Variants in UBE4B observed in about 807,000 individuals in gnomAD.
UBE4B encodes the protein ubiquitination factor E4B, also known as ubiquitin conjugation factor E4 B.
UBE4B carries 27 observed loss-of-function variants against 148.1 expected under a neutral mutation model. The ratio of observed to expected loss-of-function variants is 0.18; its 90% CI spans 0.13 to 0.25. UBE4B has a LOEUF of 0.25. Among genes scored for constraint, UBE4B ranks in the 10% least tolerant of loss-of-function variants. The pLI is 1.00. For missense variants in UBE4B, 1,170 were observed against 1,662.4 expected, an observed-to-expected ratio of 0.70 and a Z score of 5.15; for synonymous variants, 596 against 619.3, an observed-to-expected ratio of 0.96 and a Z score of 0.56.
intron 1 of UBE4B, among the ~76,000 whole-genome samples, chr1:10,042,582 G>T (rs910299130): frequency 6.6e-6 from 1 of 152,168 alleles, no homozygotes; most frequent in African/African-American, 2.4e-5. Context: ...GGGAGGCAGG[G>T]GTTACAGTGA....
chr1:10,147,138 T>A, intron 19 of UBE4B, 48 bp downstream of exon 19: 1 of 1,611,942 alleles, frequency 6.2e-7, no homozygotes, highest in South Asian at 1.1e-5. Context: ...GGCTGGGCTC[T>A]GTTGTCTTTA....
chr1:10,162,395 G>A (rs907637292), intron 23 of UBE4B, among the ~76,000 whole-genome samples: 3 of 151,946 alleles, frequency 2.0e-5, no homozygotes, highest in African/African-American at 7.2e-5. Flanking sequence ...GGATGGTCTC[G>A]ATCTCCTGAC....
Position 10,137,215 on chromosome 1 carries a change from A to G in UBE4B, c.2363+10A>G. 6.2e-7 allele frequency: 1 copy of G among 1,613,820 alleles called. No homozygotes were observed. Among genetic ancestry groups the G allele is most frequent in the Non-Finnish European group, 8.5e-7 (1 of 1,179,874 alleles). ...TCCGGGAGCTCAATAGGTATGTGCC[A>G]TGATACCGTGTCCTGGGATTGCCTG... On this transcript the variant is annotated intron_variant, in intron 17 of 27. Coordinates refer to ENST00000343090, the MANE Select transcript of UBE4B (RefSeq NM_001105562.3).
rs1172518666 is a variant in UBE4B, at chr1:10,106,337, C to T, written c.950C>T (p.Ser317Phe). ...CCCCTCAGTCCTCACAGTGCAGCCT[C>T]TGGAACTGCTGCGGGAAGCCAGCCT... ...STPLSPHSAA[S>F]GTAAGSQPSS... The change falls in exon 7 of 28, where the codon TCT (serine) becomes TTT (phenylalanine). Residue 317 changes from serine to phenylalanine, a missense_variant. Ser to Phe is a radical substitution (Grantham distance 155, BLOSUM62 -2). This residue lies in a region of UBE4B where 214 missense variants were observed against 209.1 expected (regional missense o/e 1.02). Transcript: ENST00000343090. The surrounding 1 kb of genome is among the most constrained non-coding windows in gnomAD (Gnocchi z 4.2). 2.5e-6 allele frequency: 4 copies of T among 1,613,956 alleles called. No individual in the cohort carries two copies. Among genetic ancestry groups the T allele is most frequent in the African/African-American group, 2.7e-5 (2 of 74,922 alleles).
chr1:10,152,524 G>A (rs1402079057), intron 21 of UBE4B, among the ~76,000 whole-genome samples: 1 of 151,942 alleles, frequency 6.6e-6, no homozygotes, highest in Non-Finnish European at 1.5e-5. Flanking sequence ...GGGGCCAGGT[G>A]CGGTGGCTCA....
chr1:10,152,350 A>G (rs1645990840), intron 21 of UBE4B, among the ~76,000 whole-genome samples: 1 of 151,824 alleles, frequency 6.6e-6, no homozygotes, highest in Non-Finnish European at 1.5e-5. Flanking sequence ...TGGTACAAAC[A>G]TGGTTGTGGA....
chr1:10,033,837 C>G, intron 1 of UBE4B, 143 bp downstream of exon 1: 1 of 816,894 alleles, frequency 1.2e-6, no homozygotes, highest in Non-Finnish European at 1.8e-6. Context: ...ACGTGACTCC[C>G]CGATAGGGTC....
In UBE4B at chr1:10,161,292, G is replaced by A; in HGVS notation, c.3198+6G>A. On this transcript the variant is annotated splice_donor_region_variant and intron_variant, in intron 23 of 27. Transcript: ENST00000343090. This position sits in a 1 kb window ranked among gnomAD's most constrained non-coding sequence, Gnocchi z 4.1. ...AGTGGGACCAGTTGCCCCGGGTGAG[G>A]ACGTGGTCCAGAGGCTTGGACAGCT... 6.2e-7 allele frequency: 1 copy of A among 1,613,922 alleles called. No homozygotes were observed. The highest frequency in any genetic ancestry group is 1.1e-5 in the South Asian group (1 of 91,052).
At chr1:10,071,926 T>G (rs1644493151) in intron 1 of UBE4B, 102 bp from the exon 2 acceptor site, 2 of 1,167,046 alleles carry the variant, frequency 1.7e-6, no homozygotes, top group Non-Finnish European at 1.2e-6. Flanking sequence ...GAAGGCATAT[T>G]GAGTTGTTAA....
Position 10,105,720 on chromosome 1 carries a change from C to T in UBE4B, c.785C>T (p.Ser262Phe). 6.2e-7 allele frequency: 1 copy of T among 1,614,014 alleles called. No individual in the cohort carries two copies. Among genetic ancestry groups the T allele is most frequent in the Admixed American group, 1.7e-5 (1 of 60,024 alleles). ...AGCCCCATGTTCTGCAGCGTGGCTT[C>T]CTTTGGTGCCAGCTCTTTGTCTAGG... Reference protein sequence around the residue: ...GTSPMFCSVASFGASSLSSLY... With the variant: ...GTSPMFCSVAFFGASSLSSLY... Residue 262 changes from serine to phenylalanine, a missense_variant, in exon 6 of 28, where the codon TCC (serine) becomes TTC (phenylalanine). Ser to Phe is a radical substitution (Grantham distance 155). Transcript: ENST00000343090.
chr1:10,114,240 A>G (rs1241184738), intron 7 of UBE4B, among the ~76,000 whole-genome samples: 2 of 152,166 alleles, frequency 1.3e-5, no homozygotes, highest in Non-Finnish European at 2.9e-5. Flanking sequence ...ATTACCCTCA[A>G]TTGTGTGTAG....
At chr1:10,035,901 G>A (rs1570753159) in intron 1 of UBE4B, among the ~76,000 whole-genome samples, 1 of 147,008 alleles carries the variant, frequency 6.8e-6, no homozygotes, top group African/African-American at 2.5e-5. Context: ...CCGCCACCAC[G>A]CCCGGCTAAT....
intron 23 of UBE4B, among the ~76,000 whole-genome samples, chr1:10,165,130 C>T (rs1475026805): frequency 6.6e-6 from 1 of 152,144 alleles, no homozygotes; most frequent in Admixed American, 6.6e-5. Flanking sequence ...TGCAGACTTG[C>T]AGACCAAGTA....
chr1:10,064,125 G>A (rs921596589), intron 1 of UBE4B, among the ~76,000 whole-genome samples: 3 of 152,118 alleles, frequency 2.0e-5, no homozygotes, highest in Non-Finnish European at 4.4e-5. Flanking sequence ...TAAACAGTGT[G>A]TGTGCTCACA....
rs34527607 is a variant in UBE4B at position 10,123,427 on chromosome 1, C to CAAA, written c.1554+1375_1554+1377dup. ...CCTGGGTGACAGAGCAAGACTGTCT[C>CAAA]AAAAAAAAAAAAAAAAAAAAAAAAA... On this transcript the variant is annotated intron_variant, in intron 10 of 27. Coordinates refer to ENST00000343090, the MANE Select transcript of UBE4B (RefSeq NM_001105562.3). Among the ~76,000 whole-genome samples the CAAA allele has an allele frequency of 4.5e-4, 16 of 35,654 alleles. No homozygotes were observed. The South Asian group carries it at 5.4e-3, about 12-fold the overall frequency. 23.4% of individuals were successfully genotyped at this position (35,654 alleles called of 152,430 possible).
chr1:10,041,736 C>T, intron 1 of UBE4B, among the ~76,000 whole-genome samples: 1 of 151,582 alleles, frequency 6.6e-6, no homozygotes, highest in East Asian at 1.9e-4. Flanking sequence ...CTCGCTGTGT[C>T]CCCATGCTGG....
chr1:10,176,893 C>A (rs982351185), intron 25 of UBE4B, among the ~76,000 whole-genome samples: 5 of 148,164 alleles, frequency 3.4e-5, no homozygotes, highest in African/African-American at 9.9e-5. Context: ...TCAAGCAATT[C>A]TCTTGCCTCA....
At chr1:10,061,968 GGCGC>G in intron 1 of UBE4B, among the ~76,000 whole-genome samples, 1 of 148,598 alleles carries the variant, frequency 6.7e-6, no homozygotes, top group East Asian at 2.0e-4. Flanking sequence ...GGAGTGCAGT[GGCGC>G]GATCTTGGCT....
At chr1:10,099,223 CAG>C (rs1644972261) in intron 3 of UBE4B, among the ~76,000 whole-genome samples, 1 of 151,984 alleles carries the variant, frequency 6.6e-6, no homozygotes, top group African/African-American at 2.4e-5. Context: ...GCCTGGGTGA[CAG>C]AGCAAGACTC....
Sources: allele counts gnomAD v4.1 joint callset (sites outside exome capture counted in the v4.1 genomes callset), GRCh38; gene constraint gnomAD v4.1.1; regional missense constraint gnomAD v4.1.1; non-coding constraint Gnocchi (gnomAD v3.1); transcripts MANE v1.5; gene names NCBI Gene and HGNC (gene_info 2026-07-23, HGNC 2026-07-21).